Variants in ALPK2 observed in about 807,000 individuals in gnomAD.
The protein encoded by ALPK2 is alpha-protein kinase 2.
Under a neutral mutation model 163.1 loss-of-function variants are expected in ALPK2, and 127 were observed. That is an observed-to-expected ratio of 0.78 (90% CI 0.67 to 0.90). The LOEUF is 0.90. ALPK2 is among the 40% of genes least tolerant of loss of function. ALPK2 has a pLI of 0.00. For synonymous variants in ALPK2, 953 were observed against 959.1 expected (o/e 0.99, Z 0.12); for missense variants, 2,360 against 2,589.6 (o/e 0.91, Z 1.92).
At chr18:58,609,544 T>G (rs1362420383) in intron 2 of ALPK2, among the ~76,000 whole-genome samples, 3 of 152,160 alleles carry the variant, frequency 2.0e-5, no homozygotes, top group Admixed American at 2.0e-4. Context: ...TGGATTCCAG[T>G]TTTTCATTCA....
intron 1 of ALPK2, among the ~76,000 whole-genome samples, chr18:58,614,285 C>T (rs1410535095): frequency 6.6e-6 from 1 of 152,166 alleles, no homozygotes; most frequent in African/African-American, 2.4e-5. Flanking sequence ...GCAAGAGAGG[C>T]TGAACTGAAG....
chr18:58,556,073 C>G (rs958246950), intron 4 of ALPK2, among the ~76,000 whole-genome samples: 1 of 152,124 alleles, frequency 6.6e-6, no homozygotes. Context: ...CCACCAGCCT[C>G]GGCCTCCCAA....
chr18:58,610,879 G>T (rs2052125349), intron 2 of ALPK2, among the ~76,000 whole-genome samples: 1 of 152,092 alleles, frequency 6.6e-6, no homozygotes, highest in Non-Finnish European at 1.5e-5. Context: ...CAGACCACCT[G>T]AGGTCAGGAG....
intron 4 of ALPK2, among the ~76,000 whole-genome samples, chr18:58,572,698 C>T (rs1163718036): frequency 2.0e-5 from 3 of 152,044 alleles, no homozygotes; most frequent in East Asian, 3.8e-4. Flanking sequence ...TAGTGGTTGC[C>T]AGGGGCTACC....
chr18:58,562,557 G>T (rs971751407), intron 4 of ALPK2, among the ~76,000 whole-genome samples: 4 of 152,198 alleles, frequency 2.6e-5, no homozygotes, highest in African/African-American at 9.7e-5. Flanking sequence ...ACACATGGAA[G>T]CTATTTTTGA....
In ALPK2 at chr18:58,536,262, C is replaced by T; in HGVS notation, c.3925G>A (p.Asp1309Asn). The T allele has an allele frequency of 6.2e-7, 1 of 1,614,206 alleles. No individual in the cohort carries two copies. The highest frequency in any genetic ancestry group is 8.5e-7 in the Non-Finnish European group (1 of 1,180,024). The stretch of plus-strand genomic sequence containing the variant: ...TCGCCTTTATGGCTTTCTCTGCTAT[C>T]AGCAAGGGCTGACTCAGCATCCTCT... ...SPEDAESALA[D>N]SRESHKGEEP... Residue 1309 changes from aspartate (D) to asparagine (N), a missense_variant, in exon 5 of 13, where the codon GAT (aspartate) becomes AAT (asparagine). By Grantham distance (23) the Asp-to-Asn change is conservative (BLOSUM62 1). Coordinates refer to ENST00000361673, the MANE Select transcript of ALPK2 (RefSeq NM_052947.4).
chr18:58,499,686 A>G (rs930733048), intron 11 of ALPK2, among the ~76,000 whole-genome samples: 1 of 152,196 alleles, frequency 6.6e-6, no homozygotes, highest in African/African-American at 2.4e-5. Flanking sequence ...GTGTGTCTGC[A>G]CCTGCTAGAT....
chr18:58,620,604 C>T (rs1479906948), intron 1 of ALPK2, among the ~76,000 whole-genome samples: 4 of 152,164 alleles, frequency 2.6e-5, no homozygotes, highest in African/African-American at 7.2e-5. Flanking sequence ...GATTGCCCAA[C>T]CTAGTACATT....
intron 6 of ALPK2, among the ~76,000 whole-genome samples, chr18:58,524,605 C>G (rs2051574415): frequency 6.6e-6 from 1 of 152,166 alleles, no homozygotes; most frequent in African/African-American, 2.4e-5. Context: ...GCTATGAAAA[C>G]TAAAACTGGT....
At position 58,579,793 on chromosome 18, in the gene ALPK2, T is replaced by C. The variant is rs146841413; in HGVS notation, c.983A>G (p.Glu328Gly). 1.2e-5 allele frequency: 20 copies of C among 1,614,186 alleles called. No individual in the cohort carries two copies. The highest frequency in any genetic ancestry group is 1.6e-4 in the Middle Eastern group (1 of 6,062). The stretch of plus-strand genomic sequence containing the variant: ...CATAACATCAGAACATTCCAGATAC[T>C]CCAGGTCATCATCTGAAAACTCCTC... The part of the protein sequence containing the change: ...YTEEFSDDDL[E>G]YLECSDVMTD... Residue 328 changes from glutamate to glycine, a missense_variant, in exon 4 of 13, where the codon GAG becomes GGG. Physicochemically the swap from Glu to Gly is moderately conservative, Grantham distance 98. Coordinates refer to ENST00000361673, the MANE Select transcript of ALPK2 (RefSeq NM_052947.4).
At chr18:58,626,397 C>T (rs2052230906) in intron 1 of ALPK2, among the ~76,000 whole-genome samples, 1 of 152,150 alleles carries the variant, frequency 6.6e-6, no homozygotes, top group African/African-American at 2.4e-5. Context: ...AGCTACTGCC[C>T]CTGCTCTGCT....
chr18:58,625,243 C>G (rs1013266283), intron 1 of ALPK2, among the ~76,000 whole-genome samples: 1 of 151,994 alleles, frequency 6.6e-6, no homozygotes, highest in Non-Finnish European at 1.5e-5. Flanking sequence ...ATATTGTCCC[C>G]ACACTCAGTG....
At chr18:58,560,027 CT>C (rs1246103524) in intron 4 of ALPK2, among the ~76,000 whole-genome samples, 1 of 152,168 alleles carries the variant, frequency 6.6e-6, no homozygotes, top group African/African-American at 2.4e-5. Flanking sequence ...GGGCCATGTC[CT>C]TCTGGAGGCT....
chr18:58,550,719 GTACAACCCCATCCCCACCTCCATCACA>G (rs1481412695), intron 4 of ALPK2, among the ~76,000 whole-genome samples: 1 of 47,434 alleles, frequency 2.1e-5, no homozygotes, highest in Non-Finnish European at 4.1e-5. Flanking sequence ...CTTCCATCAC[GTACAACCCCATCCCCACCTCCATCACA>G]TACAACCCCA....
At chr18:58,584,860 G>T (rs1602229483) in intron 3 of ALPK2, among the ~76,000 whole-genome samples, 1 of 152,222 alleles carries the variant, frequency 6.6e-6, no homozygotes, top group Non-Finnish European at 1.5e-5. Flanking sequence ...TAGGGTCAGG[G>T]TGTAGAATCT....
chr18:58,627,518 G>T (rs1258808825), intron 1 of ALPK2, among the ~76,000 whole-genome samples: 2 of 152,156 alleles, frequency 1.3e-5, no homozygotes, highest in Non-Finnish European at 2.9e-5. Context: ...CACCTACTTT[G>T]GGAGGCTGAG....
Position 58,492,584 on chromosome 18 carries a change from A to G in ALPK2, c.6296+5465T>C, listed in dbSNP as rs907557931. ...CTCGTGCTTCTGTCTCCTACTGGCC[A>G]CCAGTCTGTCCTGCAGGGGTGATCT... On this transcript the variant is annotated intron_variant, in intron 12 of 12. Coordinates refer to ENST00000361673, the MANE Select transcript of ALPK2 (RefSeq NM_052947.4). Among the ~76,000 whole-genome samples the G allele has an allele frequency of 4.6e-5, 7 of 151,948 alleles. No individual in the cohort carries two copies. In the East Asian group the frequency reaches 1.4e-3, roughly 29 times the overall value.
chr18:58,606,207 C>T (rs2052097027), intron 3 of ALPK2, among the ~76,000 whole-genome samples: 1 of 152,142 alleles, frequency 6.6e-6, no homozygotes, highest in Non-Finnish European at 1.5e-5. Context: ...GCCTCTCAAG[C>T]AACTGGGACT....
intron 5 of ALPK2, among the ~76,000 whole-genome samples, chr18:58,529,920 A>T (rs1217117746): frequency 2.0e-5 from 3 of 152,238 alleles, no homozygotes; most frequent in Non-Finnish European, 4.4e-5. Context: ...GTAATTAGCT[A>T]GGGCAGCCAC....
Sources: allele counts gnomAD v4.1 joint callset (sites outside exome capture counted in the v4.1 genomes callset), GRCh38; gene constraint gnomAD v4.1.1; transcripts MANE v1.5; gene names NCBI Gene and HGNC (gene_info 2026-07-23, HGNC 2026-07-21).